BTG1: variants seen among roughly 807,000 people sequenced by gnomAD.
The protein encoded by BTG1 is protein BTG1.
A neutral mutation model predicts 15.2 loss-of-function variants in BTG1; 2 were observed. The ratio of observed to expected loss-of-function variants is 0.13; its 90% confidence interval spans 0.05 to 0.41. The LOEUF (loss-of-function observed/expected upper bound fraction) is 0.41, where lower values mean the gene tolerates loss of function less well. BTG1 is among the 10% of genes least tolerant of loss of function. The pLI is 0.99. For synonymous variants in BTG1, 109 were observed against 82.4 expected, an observed-to-expected ratio of 1.32 and a Z score of -1.75; for missense variants, 149 against 215.0, an observed-to-expected ratio of 0.69 and a Z score of 1.92.
chr12:92,145,123 C>G (rs1315000777), intron 1 of BTG1: 1 of 338,978 alleles, frequency 3.0e-6, no homozygotes, highest in Non-Finnish European at 5.0e-6. Flanking sequence ...GCTCCCGCCT[C>G]GGTGGGCTTA....
Position 92,140,656 on chromosome 12 carries a change from A to G in BTG1, c.*3424T>C, listed in dbSNP as rs116667400. ...CTATCTTACTGTAAAAGATTTTGTG[A>G]TACTGTTATATTAGTTCCAAATATG... is the stretch of plus-strand genomic sequence containing the variant. On this transcript the variant is annotated 3_prime_UTR_variant, in exon 2 of 2. Transcript: ENST00000256015. 5.5e-3 allele frequency: 1,288 copies of G among 232,136 alleles called. 22 individuals carry two copies. Among genetic ancestry groups the G allele is most frequent in the African/African-American group, 0.027 (1,216 of 45,390 alleles). The allele number at this position is 232,136 out of a possible 1,614,324, so 14.4% of individuals were successfully genotyped here.
rs1003712678 is a variant in BTG1 at position 92,140,500 on chromosome 12, T to A, written c.*3580A>T. The stretch of plus-strand genomic sequence containing the variant: ...ATCAGAAGAAAATGATCTATAGGGA[T>A]AAAGAAAATAAAGATCTATAGGCAT... On this transcript the variant is annotated 3_prime_UTR_variant, in exon 2 of 2. Transcript: ENST00000256015. 1.3e-5 allele frequency: 3 copies of A among 229,496 alleles called. No homozygotes were observed. The highest frequency in any genetic ancestry group is 8.6e-6 in the Non-Finnish European group (1 of 115,874). 14.2% of individuals were successfully genotyped at this position (229,496 alleles called of 1,614,324 possible).
At position 92,145,565 on chromosome 12, in the gene BTG1, G is replaced by A. The variant is rs1320146114; in HGVS notation, c.-30C>T. 14 of 1,350,904 alleles carry A rather than the reference G, an allele frequency of 1.0e-5. No homozygotes were observed. Among genetic ancestry groups the A allele is most frequent in the Non-Finnish European group, 1.1e-5 (12 of 1,046,126 alleles). 83.7% of individuals were successfully genotyped at this position (1,350,904 alleles called of 1,614,324 possible). A position where few individuals can be genotyped will look rare whatever the true frequency, so the allele number is the denominator to read the frequency against. On this transcript the variant is annotated 5_prime_UTR_variant, in exon 1 of 2. Transcript: ENST00000256015. ...GCGGCGTGCGGGGGCGGCCCGGGGC[G>A]GCTGGGGCTCGGCGGCGCGGCCCCG... is the stretch of plus-strand genomic sequence containing the variant.
At position 92,142,386 on chromosome 12, in the gene BTG1, A is replaced by T. The variant is rs1870296923; in HGVS notation, c.*1694T>A. On this transcript the variant is annotated 3_prime_UTR_variant, in exon 2 of 2. Coordinates refer to ENST00000256015, the MANE Select transcript of BTG1 (RefSeq NM_001731.3). Reference sequence around the variant, plus strand: ...CCACTATATGTTAACTGTGTAGAGCAAAATTCAATTTTTCCACTTTCAATT... The same window carrying T: ...CCACTATATGTTAACTGTGTAGAGCTAAATTCAATTTTTCCACTTTCAATT... The T allele has an allele frequency of 4.3e-6, 1 of 231,038 alleles. No homozygotes were observed. 14.3% of individuals were successfully genotyped at this position (231,038 alleles called of 1,614,324 possible).
rs58636999 is a variant in BTG1, at chr12:92,140,324, G to A, written c.*3756C>T. On this transcript the variant is annotated 3_prime_UTR_variant, in exon 2 of 2. Coordinates refer to ENST00000256015, the MANE Select transcript of BTG1 (RefSeq NM_001731.3). ...CTATCTTGGACATACTGAGCAATACGAAAAGTGATAAGCCAAGTTAAACCT... is the reference window on the plus strand; with the variant it reads ...CTATCTTGGACATACTGAGCAATACAAAAAGTGATAAGCCAAGTTAAACCT... 817 of 204,194 alleles carry A rather than the reference G, an allele frequency of 4.0e-3. 5 individuals are homozygous for A. The highest frequency in any genetic ancestry group is 0.017 in the African/African-American group (757 of 43,802). The allele number at this position is 204,194 out of a possible 1,614,324, so 12.6% of individuals were successfully genotyped here. A position where few individuals can be genotyped will look rare whatever the true frequency, so the allele number is the denominator to read the frequency against.
chr12:92,145,294 C>G, intron 1 of BTG1, 94 bp downstream of exon 1: 2 of 1,353,378 alleles, frequency 1.5e-6, no homozygotes, highest in Non-Finnish European at 1.9e-6. Flanking sequence ...GCGACCGGCC[C>G]CGGGGCGCTG....
chr12:92,145,491 G>T lies in BTG1; in HGVS notation c.45C>A (p.Ile15=). Residue 15 remains isoleucine, a synonymous_variant, in exon 1 of 2, where the codon ATC becomes ATA. Transcript: ENST00000256015. ...YTRAATMIGE[I]AAAVSFISKF... ...TGGAGATGAAGGACACGGCGGCGGC[G>T]ATCTCGCCTATCATGGTGGCGGCCC... 6.3e-7 allele frequency: 1 copy of T among 1,586,514 alleles called. No individual in the cohort carries two copies. Among genetic ancestry groups the T allele is most frequent in the Non-Finnish European group, 8.6e-7 (1 of 1,168,082 alleles).
Position 92,145,548 on chromosome 12 carries a change from CG to C in BTG1, c.-14del. 9 of 1,467,270 alleles carry C rather than the reference CG, an allele frequency of 6.1e-6. No homozygotes were observed. The highest frequency in any genetic ancestry group is 1.4e-5 in the South Asian group (1 of 69,724). 90.9% of individuals were successfully genotyped at this position (1,467,270 alleles called of 1,614,324 possible). ...AGAAGGGATGCATGGGGGCGGCGTG[CG>C]GGGGCGGCCCGGGGCGGCTGGGGCT... On this transcript the variant is annotated 5_prime_UTR_variant, in exon 1 of 2. Transcript: ENST00000256015.
Position 92,145,768 on chromosome 12 carries a change from G to T in BTG1, c.-233C>A. 1 of 288,430 alleles carries T rather than the reference G, an allele frequency of 3.5e-6. No homozygotes were observed. Among genetic ancestry groups the T allele is most frequent in the Non-Finnish European group, 6.4e-6 (1 of 156,188 alleles). The allele number at this position is 288,430 out of a possible 1,614,324, so 17.9% of individuals were successfully genotyped here. A position where few individuals can be genotyped will look rare whatever the true frequency, so the allele number is the denominator to read the frequency against. On this transcript the variant is annotated 5_prime_UTR_variant, in exon 1 of 2. Transcript: ENST00000256015. ...CGATGGCGGCCTGGTCACATCGCTCGGACCTCCCCAGCTGCCTCCGCCTCC... is the reference window on the plus strand; with the variant it reads ...CGATGGCGGCCTGGTCACATCGCTCTGACCTCCCCAGCTGCCTCCGCCTCC...
rs1408141873 is a variant in BTG1 at position 92,142,483 on chromosome 12, T to G, written c.*1597A>C. 4.3e-6 allele frequency: 1 copy of G among 232,300 alleles called. No individual in the cohort carries two copies. Among genetic ancestry groups the G allele is most frequent in the Non-Finnish European group, 8.5e-6 (1 of 117,542 alleles). The allele number at this position is 232,300 out of a possible 1,614,324, so 14.4% of individuals were successfully genotyped here. A position where few individuals can be genotyped will look rare whatever the true frequency, so the allele number is the denominator to read the frequency against. ...TCTATTATATGGGGTAGTGAAGTAATCTACACTACAGCATTATCAAGGTTC... is the reference window on the plus strand; with the variant it reads ...TCTATTATATGGGGTAGTGAAGTAAGCTACACTACAGCATTATCAAGGTTC... On this transcript the variant is annotated 3_prime_UTR_variant, in exon 2 of 2. Coordinates refer to ENST00000256015, the MANE Select transcript of BTG1 (RefSeq NM_001731.3).
rs773792312 is a variant in BTG1 at position 92,145,511 on chromosome 12, C to T, written c.25G>A (p.Ala9Thr). Residue 9 changes from alanine to threonine, a missense_variant, in exon 1 of 2, where the codon GCC becomes ACC. Around this residue, in one of 3 missense-constraint regions of BTG1, gnomAD observed 63 missense variants for 60.8 expected, o/e 1.04. Coordinates refer to ENST00000256015, the MANE Select transcript of BTG1 (RefSeq NM_001731.3). Reference protein sequence around the residue: MHPFYTRAATMIGEIAAAV... With the variant: MHPFYTRATTMIGEIAAAV... Reference sequence around the variant, plus strand: ...GCGGCGATCTCGCCTATCATGGTGGCGGCCCGGGTGTAGAAGGGATGCATG... The same window carrying T: ...GCGGCGATCTCGCCTATCATGGTGGTGGCCCGGGTGTAGAAGGGATGCATG... 2 of 1,576,922 alleles carry T rather than the reference C, an allele frequency of 1.3e-6. No individual in the cohort carries two copies. The highest frequency in any genetic ancestry group is 1.1e-5 in the South Asian group (1 of 87,732).
In BTG1 at chr12:92,144,309, C is replaced by G. The variant is rs779343208; in HGVS notation, c.287G>C (p.Arg96Thr). Residue 96 changes from arginine (R) to threonine (T), a missense_variant, in exon 2 of 2, where the codon AGG becomes ACG. Transcript: ENST00000256015. ...GAGTGTGAGTTCACTTGGGAGAAGC[C>G]TGAACAGCTCCTGACTGCTCAGTCC... ...RIGLSSQELF[R>T]LLPSELTLWV... 1.2e-6 allele frequency: 2 copies of G among 1,614,242 alleles called. No homozygotes were observed. The highest frequency in any genetic ancestry group is 2.2e-5 in the South Asian group (2 of 91,086).
At position 92,142,886 on chromosome 12, in the gene BTG1, T is replaced by C. The variant is rs563474957; in HGVS notation, c.*1194A>G. 3 of 233,126 alleles carry C rather than the reference T, an allele frequency of 1.3e-5. No homozygotes were observed. Among genetic ancestry groups the C allele is most frequent in the South Asian group, 3.6e-4 (2 of 5,528 alleles). 14.4% of individuals were successfully genotyped at this position (233,126 alleles called of 1,614,324 possible). ...TGGTAGATGCTACCGTGGTCTCTTA[T>C]CCTTATTTCATGAGATCATTAGCCT... On this transcript the variant is annotated 3_prime_UTR_variant, in exon 2 of 2. Transcript: ENST00000256015.
Position 92,145,389 on chromosome 12 carries a change from T to C in BTG1, c.147A>G (p.Ala49=), listed in dbSNP as rs2136949887. Residue 49 remains alanine, a splice_region_variant and synonymous_variant, in exon 1 of 2, where the codon GCA becomes GCG. Transcript: ENST00000256015. ...TFSQSLQELL[A]EHYKHHWFPE... is the part of the protein sequence containing the mutation. ...CTCCGACGCCCTCGCCCTGCTCACC[T>C]GCCAGCAGCTCCTGCAGGCTCTGGC... The C allele has an allele frequency of 1.3e-6, 2 of 1,580,758 alleles. No homozygotes were observed. Among genetic ancestry groups the C allele is most frequent in the South Asian group, 1.1e-5 (1 of 88,122 alleles).
At chr12:92,144,583 T>G in intron 1 of BTG1, 136 bp from the exon 2 acceptor site, 1 of 1,187,484 alleles carries the variant, frequency 8.4e-7, no homozygotes, top group Non-Finnish European at 1.2e-6. Context: ...ATTGCATCCG[T>G]TGTTGTGCAT....
At position 92,144,378 on chromosome 12, in the gene BTG1, T is replaced by C; in HGVS notation, c.218A>G (p.Asn73Ser). Reference protein sequence around the residue: ...KGSGYRCIRINHKMDPLIGQA... With the variant: ...KGSGYRCIRISHKMDPLIGQA... ...TCCAATCAGAGGATCCATTTTATGG[T>C]TGATGCGAATACAACGGTAACCCGA... is the stretch of plus-strand genomic sequence containing the variant. Residue 73 changes from asparagine to serine, a missense_variant, in exon 2 of 2, where the codon AAC becomes AGC. Physicochemically the swap from Asn to Ser is conservative, Grantham distance 46. Around this residue, in one of 3 missense-constraint regions of BTG1, gnomAD observed 34 missense variants for 96.8 expected, o/e 0.35. Coordinates refer to ENST00000256015, the MANE Select transcript of BTG1 (RefSeq NM_001731.3). 6.2e-7 allele frequency: 1 copy of C among 1,614,230 alleles called. No homozygotes were observed. Among genetic ancestry groups the C allele is most frequent in the South Asian group, 1.1e-5 (1 of 91,088 alleles).
rs1262167327 is a variant in BTG1 at position 92,141,368 on chromosome 12, G to A, written c.*2712C>T. On this transcript the variant is annotated 3_prime_UTR_variant, in exon 2 of 2. Transcript: ENST00000256015. The stretch of plus-strand genomic sequence containing the variant: ...CAGCCGCATTATCCTGCATGAACCA[G>A]GGTAACTCTTGCTATACAATCCACT... The A allele has an allele frequency of 4.3e-6, 1 of 232,196 alleles. No homozygotes were observed. Among genetic ancestry groups the A allele is most frequent in the Non-Finnish European group, 8.5e-6 (1 of 117,506 alleles). The allele number at this position is 232,196 out of a possible 1,614,324, so 14.4% of individuals were successfully genotyped here. A position where few individuals can be genotyped will look rare whatever the true frequency, so the allele number is the denominator to read the frequency against.
intron 1 of BTG1, 146 bp downstream of exon 1, chr12:92,145,242 C>T: frequency 8.2e-7 from 1 of 1,225,606 alleles, no homozygotes; most frequent in Non-Finnish European, 1.0e-6. Context: ...CTGTTAGCGG[C>T]CACCCAGCGC....
rs372627397 is a variant in BTG1, at chr12:92,144,046, A to G, written c.*34T>C. On this transcript the variant is annotated 3_prime_UTR_variant, in exon 2 of 2. Transcript: ENST00000256015. The stretch of plus-strand genomic sequence containing the variant: ...CCCAAAGCAAAAATCAAATTTATCC[A>G]TCATCATCAGATGATCCATCCACAG... 1.9e-6 allele frequency: 3 copies of G among 1,600,978 alleles called. No individual in the cohort carries two copies. The African/African-American group carries it at 4.0e-5, about 22-fold the overall frequency.
Sources: gnomAD v4.1 joint callset for allele counts on GRCh38, gnomAD v4.1.1 for gene constraint, gnomAD v4.1.1 regional missense constraint, MANE v1.5 for transcripts, NCBI Gene and HGNC (gene_info 2026-07-23, HGNC 2026-07-21) for gene names.